Variants in DTWD2 observed in about 807,000 individuals in gnomAD.
The protein encoded by DTWD2 is tRNA-uridine aminocarboxypropyltransferase 2.
Under a neutral mutation model 31.8 loss-of-function variants are expected in DTWD2, and 39 were observed. That is an observed-to-expected ratio of 1.22 (90% CI 0.95 to 1.60). DTWD2 has a LOEUF of 1.60. Ranked by LOEUF, DTWD2 falls within the 40% of genes most tolerant of loss-of-function variation. The pLI is 0.00. For missense variants in DTWD2, 515 were observed against 381.5 expected (o/e 1.35, Z -2.92); for synonymous variants, 180 against 142.8 (o/e 1.26, Z -1.86).
At chr5:118,954,794 T>C (rs1461109461) in intron 1 of DTWD2, among the ~76,000 whole-genome samples, 4 of 152,204 alleles carry the variant, frequency 2.6e-5, no homozygotes, top group African/African-American at 9.6e-5. Flanking sequence ...GTGCTGAAGT[T>C]ACAGGCGTGA....
intron 4 of DTWD2, among the ~76,000 whole-genome samples, chr5:118,875,517 G>A (rs1433781502): frequency 3.9e-5 from 2 of 51,732 alleles, no homozygotes; most frequent in South Asian, 1.2e-3. Flanking sequence ...AATCTACCAA[G>A]CAAATAAAAA....
intron 5 of DTWD2, among the ~76,000 whole-genome samples, chr5:118,846,916 A>ACAGG (rs1751866938): frequency 8.3e-6 from 1 of 120,594 alleles, no homozygotes; most frequent in Admixed American, 9.5e-5. Context: ...ACTCAAACAC[A>ACAGG]CAGGCACACA....
At chr5:118,858,625 GTA>G (rs1299602338) in intron 4 of DTWD2, among the ~76,000 whole-genome samples, 2 of 152,172 alleles carry the variant, frequency 1.3e-5, no homozygotes, top group Admixed American at 1.3e-4. Context: ...CCTGCCTGTT[GTA>G]ACCCCTAGTT....
chr5:118,986,766 G>A (rs1755436878), intron 1 of DTWD2, among the ~76,000 whole-genome samples: 1 of 151,752 alleles, frequency 6.6e-6, no homozygotes, highest in Non-Finnish European at 1.5e-5. Context: ...AGAGGGAGGA[G>A]AGCTTTTCAC....
At chr5:118,864,603 G>C (rs903505625) in intron 4 of DTWD2, among the ~76,000 whole-genome samples, 14 of 148,930 alleles carry the variant, frequency 9.4e-5, no homozygotes, top group Non-Finnish European at 1.5e-4. Flanking sequence ...TGGAGATTGG[G>C]AGATAGGGGC....
At position 118,928,675 on chromosome 5, in the gene DTWD2, T is replaced by C; in HGVS notation, c.459A>G (p.Pro153=). ...CTTCCAAATTAGCAGCTTCAGCCCC[T>C]GGATATAATATTAATGTACCAGACT... is the stretch of plus-strand genomic sequence containing the variant. ...CRKSGTLILY[P]GAEAANLEEF... The change falls in exon 4 of 6, where the codon CCA becomes CCG. Residue 153 remains proline, a synonymous_variant. Transcript: ENST00000510708. 6.3e-7 allele frequency: 1 copy of C among 1,594,870 alleles called. No individual in the cohort carries two copies. Among genetic ancestry groups the C allele is most frequent in the Non-Finnish European group, 8.5e-7 (1 of 1,170,084 alleles).
chr5:118,864,531 A>C (rs962199742), intron 4 of DTWD2, among the ~76,000 whole-genome samples: 9 of 140,658 alleles, frequency 6.4e-5, no homozygotes, highest in African/African-American at 2.4e-4. Context: ...TAGAGTATTA[A>C]AAAAAAAAAA....
chr5:118,930,986 G>C (rs1753909935), intron 3 of DTWD2, among the ~76,000 whole-genome samples: 1 of 151,672 alleles, frequency 6.6e-6, no homozygotes, highest in Non-Finnish European at 1.5e-5. Context: ...GGATATACTA[G>C]AAACCAATTA....
At chr5:118,848,646 C>A (rs1009267225) in intron 4 of DTWD2, among the ~76,000 whole-genome samples, 5 of 152,062 alleles carry the variant, frequency 3.3e-5, no homozygotes, top group Admixed American at 3.3e-4. Flanking sequence ...CTACAGTAAC[C>A]AAAATAGCAA....
At chr5:118,972,856 A>T (rs933737270) in intron 1 of DTWD2, among the ~76,000 whole-genome samples, 1 of 152,208 alleles carries the variant, frequency 6.6e-6, no homozygotes, top group Non-Finnish European at 1.5e-5. Context: ...CCGCATAAAC[A>T]AAACTAAAGA....
At chr5:118,962,165 G>T (rs1040850215) in intron 1 of DTWD2, among the ~76,000 whole-genome samples, 2 of 152,072 alleles carry the variant, frequency 1.3e-5, no homozygotes, top group Non-Finnish European at 2.9e-5. Flanking sequence ...TTGAACCTGG[G>T]AGGCAGAGAT....
chr5:118,882,623 A>G (rs573955599), intron 4 of DTWD2, among the ~76,000 whole-genome samples: 4 of 152,118 alleles, frequency 2.6e-5, no homozygotes, highest in Non-Finnish European at 4.4e-5. Flanking sequence ...CCATAACTCA[A>G]CTCTTGACTT....
chr5:118,877,609 A>T (rs1040188680), intron 4 of DTWD2, among the ~76,000 whole-genome samples: 3 of 152,196 alleles, frequency 2.0e-5, no homozygotes, highest in Non-Finnish European at 2.9e-5. Context: ...AGGGAAGTAT[A>T]CCCCTTGAAA....
chr5:118,979,276 C>G (rs2149603028), intron 1 of DTWD2, among the ~76,000 whole-genome samples: 1 of 152,118 alleles, frequency 6.6e-6, no homozygotes, highest in East Asian at 1.9e-4. Flanking sequence ...TGCACTCCAG[C>G]CTGGGCGACA....
intron 4 of DTWD2, among the ~76,000 whole-genome samples, chr5:118,914,737 A>T (rs1271126306): frequency 1.3e-5 from 2 of 152,186 alleles, no homozygotes; most frequent in East Asian, 1.9e-4. Flanking sequence ...CACTTAAAAC[A>T]AGTAAAATAA....
chr5:118,950,808 G>T (rs1754447144), intron 1 of DTWD2, among the ~76,000 whole-genome samples: 1 of 152,220 alleles, frequency 6.6e-6, no homozygotes, highest in African/African-American at 2.4e-5. Context: ...GAAATACATT[G>T]CTGCTTGGCT....
chr5:118,916,215 A>G (rs572412542), intron 4 of DTWD2, among the ~76,000 whole-genome samples: 189 of 152,294 alleles, frequency 1.2e-3, no homozygotes, highest in African/African-American at 4.4e-3. Flanking sequence ...TCTGTTGCCT[A>G]TCTGATTTGC....
chr5:118,849,324 A>G (rs1751943420), intron 4 of DTWD2, among the ~76,000 whole-genome samples: 2 of 152,218 alleles, frequency 1.3e-5, no homozygotes, highest in Non-Finnish European at 2.9e-5. Context: ...AACCACAATG[A>G]GATACCACCT....
At chr5:118,842,022 A>G (rs1751727519) in intron 5 of DTWD2, among the ~76,000 whole-genome samples, 1 of 152,232 alleles carries the variant, frequency 6.6e-6, no homozygotes, top group Non-Finnish European at 1.5e-5. Context: ...TAACAAATGT[A>G]GTAAGGGTTC....
Sources: gnomAD v4.1 joint callset for allele counts (sites outside exome capture counted in the v4.1 genomes callset) on GRCh38, gnomAD v4.1.1 for gene constraint, MANE v1.5 for transcripts, NCBI Gene and HGNC (gene_info 2026-07-23, HGNC 2026-07-21) for gene names.